Variants in EXT2 observed in about 807,000 individuals in gnomAD.
The protein encoded by EXT2 is exostosin glycosyltransferase 2, also known as exostosin-2.
In EXT2, 53 loss-of-function variants were observed where a neutral mutation model predicts 81.6. That is an observed-to-expected ratio of 0.65 (90% CI 0.52 to 0.82). The LOEUF (loss-of-function observed/expected upper bound fraction) is 0.82. EXT2 is among the 40% of genes least tolerant of loss of function. EXT2 has a pLI of 0.00. For synonymous variants in EXT2, 320 were observed against 340.0 expected (o/e 0.94, Z 0.65); for missense variants, 774 against 910.2 (o/e 0.85, Z 1.93).
rs1358750853 is a variant in EXT2 at position 44,246,271 on chromosome 11, T to G, written c.*1984T>G. Reference sequence around the variant, plus strand: ...CTATGGACTGTGCTGGCATTGTGTATGTGTCATATTGCCCTGGTTTCTTCA... The same window carrying G: ...CTATGGACTGTGCTGGCATTGTGTAGGTGTCATATTGCCCTGGTTTCTTCA... On this transcript the variant is annotated 3_prime_UTR_variant, in exon 14 of 14. Transcript: ENST00000533608. 2.0e-5 allele frequency among the ~76,000 whole-genome samples: 3 copies of G among 152,238 alleles called. No individual in the cohort carries two copies. The highest frequency in any genetic ancestry group is 7.2e-5 in the African/African-American group (3 of 41,458).
chr11:44,107,683 G>A lies in EXT2; in HGVS notation c.-30G>A. 1 of 1,606,808 alleles carries A rather than the reference G, an allele frequency of 6.2e-7. No individual in the cohort carries two copies. Among genetic ancestry groups the A allele is most frequent in the Non-Finnish European group, 8.5e-7 (1 of 1,174,028 alleles). ...TCTTATTTCTCTCCCTGGTGACCAG[G>A]AGTGTGAGGAAGAGGCTGTCTGTGT... On this transcript the variant is annotated splice_region_variant and 5_prime_UTR_variant, in exon 2 of 14. Transcript: ENST00000533608.
chr11:44,171,630 C>T lies in EXT2; in HGVS notation c.1193C>T (p.Ala398Val), dbSNP rs770136018. The T allele has an allele frequency of 9.9e-6, 16 of 1,613,966 alleles. No homozygotes were observed. Among genetic ancestry groups the T allele is most frequent in the South Asian group, 7.7e-5 (7 of 91,080 alleles). Residue 398 changes from alanine (A) to valine (V), a missense_variant, in exon 8 of 14, where the codon GCG (alanine) becomes GTG (valine). Ala to Val is a moderately conservative substitution (Grantham distance 64). Coordinates refer to ENST00000533608, the MANE Select transcript of EXT2 (RefSeq NM_207122.2). The part of the protein sequence containing the change: ...MQRQARWFWE[A>V]YFQSIKAIAL... ...TTATAGGCCCGGTGGTTCTGGGAAGCGTACTTCCAGTCAATTAAAGCCATT... is the reference window on the plus strand; with the variant it reads ...TTATAGGCCCGGTGGTTCTGGGAAGTGTACTTCCAGTCAATTAAAGCCATT...
intron 13 of EXT2, among the ~76,000 whole-genome samples, chr11:44,239,354 A>G (rs1274203299): frequency 2.0e-5 from 3 of 151,330 alleles, no homozygotes; most frequent in African/African-American, 7.3e-5. Context: ...TTGGAGAATA[A>G]TAAGATATGT....
At chr11:44,222,502 C>T (rs750451300) in intron 10 of EXT2, among the ~76,000 whole-genome samples, 8 of 152,106 alleles carry the variant, frequency 5.3e-5, no homozygotes, top group Non-Finnish European at 1.0e-4. Context: ...AGTATGATTC[C>T]ATATTCCATA....
At position 44,249,122 on chromosome 11, in the gene EXT2, A is replaced by C. The variant is rs1029937280; in HGVS notation, c.*4835A>C. 1.3e-5 allele frequency among the ~76,000 whole-genome samples: 2 copies of C among 152,094 alleles called. No individual in the cohort carries two copies. Among genetic ancestry groups the C allele is most frequent in the Non-Finnish European group, 2.9e-5 (2 of 67,958 alleles). On this transcript the variant is annotated 3_prime_UTR_variant, in exon 14 of 14. Coordinates refer to ENST00000533608, the MANE Select transcript of EXT2 (RefSeq NM_207122.2). ...AGCAGTCTTCCCATCTCAGCCTTCC[A>C]AGTAGCTGAGACTAAAAGCGTGCAC...
At chr11:44,109,074 C>T in intron 2 of EXT2, 120 bp from the exon 3 acceptor site, 4 of 980,656 alleles carry the variant, frequency 4.1e-6, no homozygotes, top group Middle Eastern at 2.9e-4. Context: ...GTTTGCTTTG[C>T]ATACCTGAGA....
At chr11:44,111,130 G>A (rs766941984) in intron 3 of EXT2, among the ~76,000 whole-genome samples, 2 of 152,110 alleles carry the variant, frequency 1.3e-5, no homozygotes, top group Non-Finnish European at 2.9e-5. Context: ...AAAAGCATAG[G>A]TGTGATTACT....
intron 10 of EXT2, among the ~76,000 whole-genome samples, chr11:44,225,653 T>A (rs1301883098): frequency 6.6e-6 from 1 of 152,210 alleles, no homozygotes; most frequent in Non-Finnish European, 1.5e-5. Flanking sequence ...GGGCTGAGCT[T>A]GGGGACAATA....
intron 10 of EXT2, among the ~76,000 whole-genome samples, chr11:44,228,936 G>T (rs7926638): frequency 0.9 from 137,176 of 152,148 alleles, 61,921 homozygotes; most frequent in East Asian, 0.99. Context: ...TAGCATGGAG[G>T]AGAGAGCTGT....
At chr11:44,125,167 T>C (rs1954382257) in intron 5 of EXT2, among the ~76,000 whole-genome samples, 183 bp downstream of exon 5, 1 of 152,220 alleles carries the variant, frequency 6.6e-6, no homozygotes, top group African/African-American at 2.4e-5. Context: ...TGGTGTCTTG[T>C]GTTCGTGCAA....
At chr11:44,127,686 T>G (rs186285869) in intron 6 of EXT2, among the ~76,000 whole-genome samples, 2 of 152,302 alleles carry the variant, frequency 1.3e-5, no homozygotes, top group Admixed American at 1.3e-4. Flanking sequence ...GACTACAGAG[T>G]AGACTCACCT....
chr11:44,201,445 C>T lies in EXT2; in HGVS notation c.1495+3427C>T, dbSNP rs183518062. ...TATTATCTCTAGACCTTAGGACAAACCTGCAAGGAAACTGTTGTTATTCCC... is the reference window on the plus strand; with the variant it reads ...TATTATCTCTAGACCTTAGGACAAATCTGCAAGGAAACTGTTGTTATTCCC... On this transcript the variant is annotated intron_variant, in intron 9 of 13. Coordinates refer to ENST00000533608, the MANE Select transcript of EXT2 (RefSeq NM_207122.2). Among the ~76,000 whole-genome samples, 4 of 152,238 alleles carry T rather than the reference C, an allele frequency of 2.6e-5. No homozygotes were observed. In the East Asian group the frequency reaches 7.7e-4, roughly 29 times the overall value.
chr11:44,136,963 G>T (rs1954579084), intron 7 of EXT2, among the ~76,000 whole-genome samples: 1 of 151,882 alleles, frequency 6.6e-6, no homozygotes, highest in South Asian at 2.1e-4. Flanking sequence ...CATTTTGTGG[G>T]ATATTTTAAA....
chr11:44,156,877 A>G (rs915006784), intron 7 of EXT2, among the ~76,000 whole-genome samples: 157 of 152,124 alleles, frequency 1.0e-3, no homozygotes, highest in African/African-American at 3.8e-3. Context: ...AAGGCTTTCT[A>G]CGTATTCAAA....
intron 8 of EXT2, among the ~76,000 whole-genome samples, chr11:44,196,587 C>CAG: frequency 6.6e-6 from 1 of 152,160 alleles, no homozygotes; most frequent in Admixed American, 6.5e-5. Context: ...GACCTTTTTT[C>CAG]CCCCGACTGA....
chr11:44,196,162 C>T (rs1412352733), intron 8 of EXT2, among the ~76,000 whole-genome samples: 3 of 152,166 alleles, frequency 2.0e-5, no homozygotes, highest in African/African-American at 7.2e-5. Context: ...ATTTTAAAAA[C>T]ATTTCACATT....
chr11:44,176,635 T>C (rs1364986506), intron 8 of EXT2, among the ~76,000 whole-genome samples: 1 of 152,172 alleles, frequency 6.6e-6, no homozygotes, highest in Non-Finnish European at 1.5e-5. Context: ...TTATTTATAG[T>C]TTACTTCTCC....
At chr11:44,210,350 G>A (rs1340231099) in intron 10 of EXT2, among the ~76,000 whole-genome samples, 1 of 152,110 alleles carries the variant, frequency 6.6e-6, no homozygotes, top group Non-Finnish European at 1.5e-5. Context: ...GCAACAACAT[G>A]GACAGTTTTC....
intron 9 of EXT2, among the ~76,000 whole-genome samples, chr11:44,200,968 T>C (rs1321296269): frequency 2.6e-5 from 4 of 152,316 alleles, no homozygotes; most frequent in Non-Finnish European, 4.4e-5. Context: ...TTTTTCTCCT[T>C]TGAGCTGGAC....
Sources: gnomAD v4.1 joint callset for allele counts (sites outside exome capture counted in the v4.1 genomes callset) on GRCh38, gnomAD v4.1.1 for gene constraint, MANE v1.5 for transcripts, NCBI Gene and HGNC (gene_info 2026-07-23, HGNC 2026-07-21) for gene names.